The following BRINP3 variants were observed in gnomAD, a reference collection of about 807,000 sequenced individuals.
BRINP3 encodes the protein BMP/retinoic acid-inducible neural-specific protein 3.
Under a neutral mutation model 71.0 loss-of-function variants are expected in BRINP3, and 19 were observed. The ratio of observed to expected loss-of-function variants is 0.27; its 90% CI spans 0.19 to 0.39. The LOEUF (loss-of-function observed/expected upper bound fraction) is 0.39, where lower values mean the gene tolerates loss of function less well. BRINP3 is among the 10% of genes least tolerant of loss of function. The pLI, the probability that BRINP3 is intolerant of heterozygous loss-of-function variation, is 1.00. For synonymous variants in BRINP3, 380 were observed against 337.7 expected (o/e 1.13, Z -1.37); for missense variants, 959 against 940.8 (o/e 1.02, Z -0.25).
At chr1:190,295,786 C>G (rs1162539376) in intron 2 of BRINP3, among the ~76,000 whole-genome samples, 2 of 150,346 alleles carry the variant, frequency 1.3e-5, no homozygotes, top group African/African-American at 2.4e-5. Context: ...CCCCAAGCAG[C>G]CAGTTTCTCT....
Position 190,396,300 on chromosome 1 carries a change from C to T in BRINP3, c.236+58355G>A, listed in dbSNP as rs553985283. ...CTTTTAGTTCCGTTTAAATTAAACT[C>T]TAATGTTGTAATAAGAAAGTTATAC... On this transcript the variant is annotated intron_variant, in intron 2 of 7. Transcript: ENST00000367462. Among the ~76,000 whole-genome samples the T allele has an allele frequency of 2.0e-5, 3 of 151,784 alleles. No homozygotes were observed. In the South Asian group the frequency reaches 6.2e-4, roughly 31 times the overall value.
intron 2 of BRINP3, among the ~76,000 whole-genome samples, chr1:190,375,064 A>G (rs1670099101): frequency 6.6e-6 from 1 of 152,054 alleles, no homozygotes; most frequent in South Asian, 2.1e-4. Flanking sequence ...TTGCTATATC[A>G]TAAAGGTAGC....
chr1:190,439,583 T>C (rs1674684116), intron 2 of BRINP3, among the ~76,000 whole-genome samples: 1 of 151,668 alleles, frequency 6.6e-6, no homozygotes, highest in Non-Finnish European at 1.5e-5. Flanking sequence ...GGTAGAAAGA[T>C]GTTGAGCTGT....
chr1:190,473,041 C>T (rs915893811), intron 1 of BRINP3, among the ~76,000 whole-genome samples: 1 of 151,562 alleles, frequency 6.6e-6, no homozygotes, highest in East Asian at 1.9e-4. Context: ...TGAAATTGAT[C>T]GTTATATGGT....
chr1:190,143,153 G>C (rs1655600050), intron 7 of BRINP3, among the ~76,000 whole-genome samples: 1 of 152,138 alleles, frequency 6.6e-6, no homozygotes, highest in South Asian at 2.1e-4. Flanking sequence ...AAAATAAAAT[G>C]CAAGTAGCCT....
At chr1:190,190,926 T>C (rs1653977861) in intron 6 of BRINP3, among the ~76,000 whole-genome samples, 1 of 152,156 alleles carries the variant, frequency 6.6e-6, no homozygotes, top group Admixed American at 6.6e-5. Flanking sequence ...TCAACTTCAG[T>C]GAAAAATGAT....
chr1:190,432,154 A>C (rs987875512), intron 2 of BRINP3, among the ~76,000 whole-genome samples: 1 of 152,202 alleles, frequency 6.6e-6, no homozygotes, highest in African/African-American at 2.4e-5. Context: ...TAATCTTTCT[A>C]TCCATACTTT....
chr1:190,220,554 G>C (rs1054946237), intron 6 of BRINP3, among the ~76,000 whole-genome samples: 3 of 151,936 alleles, frequency 2.0e-5, no homozygotes, highest in African/African-American at 7.3e-5. Context: ...TTTTAAAAAA[G>C]AAGCAAATAA....
rs913453228 is a variant in BRINP3 at position 190,201,692 on chromosome 1, C to T, written c.961+24390G>A. Among the ~76,000 whole-genome samples the T allele has an allele frequency of 3.3e-5, 5 of 151,986 alleles. No homozygotes were observed. In the South Asian group the frequency reaches 8.3e-4, roughly 25 times the overall value. On this transcript the variant is annotated intron_variant, in intron 6 of 7. Transcript: ENST00000367462. ...TTGGTGTCCTGCATCCCAGCTGCTC[C>T]AGCCATGGTTGAAATAGACCAACAT...
At chr1:190,442,985 T>C (rs549337374) in intron 2 of BRINP3, among the ~76,000 whole-genome samples, 1 of 148,280 alleles carries the variant, frequency 6.7e-6, no homozygotes, top group Non-Finnish European at 1.5e-5. Context: ...CAATCTCGGC[T>C]CGCTGCAAAC....
chr1:190,344,515 A>G (rs1341211556), intron 2 of BRINP3, among the ~76,000 whole-genome samples: 1 of 151,834 alleles, frequency 6.6e-6, no homozygotes, highest in Admixed American at 6.6e-5. Context: ...TCAGTTCACA[A>G]TTTTCTACTC....
intron 7 of BRINP3, among the ~76,000 whole-genome samples, chr1:190,135,821 C>A (rs965446464): frequency 6.6e-6 from 1 of 151,970 alleles, no homozygotes; most frequent in African/African-American, 2.4e-5. Context: ...CGTAAAAAGG[C>A]AGAATGCAGC....
intron 3 of BRINP3, among the ~76,000 whole-genome samples, chr1:190,280,318 T>C (rs896539316): frequency 6.6e-5 from 10 of 151,856 alleles, no homozygotes; most frequent in Non-Finnish European, 1.2e-4. Flanking sequence ...TCACAGATCA[T>C]TGATGTAAGG....
intron 4 of BRINP3, among the ~76,000 whole-genome samples, chr1:190,262,183 G>C (rs1047808347): frequency 6.6e-6 from 1 of 152,064 alleles, no homozygotes; most frequent in African/African-American, 2.4e-5. Context: ...CTCCACTCTT[G>C]CTTGAACACA....
At chr1:190,434,112 TTATTTTTA>T (rs1674291065) in intron 2 of BRINP3, among the ~76,000 whole-genome samples, 1 of 151,950 alleles carries the variant, frequency 6.6e-6, no homozygotes, top group African/African-American at 2.4e-5. Context: ...ATTTATTTAT[TTATTTTTA>T]TTTATTTATT....
At chr1:190,328,097 T>A (rs552773920) in intron 2 of BRINP3, among the ~76,000 whole-genome samples, 1 of 152,016 alleles carries the variant, frequency 6.6e-6, no homozygotes, top group East Asian at 1.9e-4. Context: ...AATGCCTACA[T>A]CAAAAAGTTA....
Position 190,234,461 on chromosome 1 carries a change from G to A in BRINP3, c.635C>T (p.Thr212Ile). Residue 212 changes from threonine (T) to isoleucine (I), a missense_variant, in exon 5 of 8, where the codon ACT (threonine) becomes ATT (isoleucine). By Grantham distance (89) the Thr-to-Ile change is moderately conservative. Transcript: ENST00000367462. Reference protein sequence around the residue: ...STAIKVTETRTGPLGCSNYDN... With the variant: ...STAIKVTETRIGPLGCSNYDN... ...ATAGTTACTGCAGCCAAGAGGACCA[G>A]TCCGTGTTTCTGTTACCTGGCAAAC... 1 of 1,612,446 alleles carries A rather than the reference G, an allele frequency of 6.2e-7. No homozygotes were observed. The highest frequency in any genetic ancestry group is 8.5e-7 in the Non-Finnish European group (1 of 1,178,966).
chr1:190,155,319 C>T (rs1352089457), intron 7 of BRINP3, among the ~76,000 whole-genome samples: 1 of 151,966 alleles, frequency 6.6e-6, no homozygotes, highest in Non-Finnish European at 1.5e-5. Flanking sequence ...TTGCTGCAGC[C>T]TGTGTGTCCT....
chr1:190,140,763 C>T (rs1558002049), intron 7 of BRINP3, among the ~76,000 whole-genome samples: 1 of 152,082 alleles, frequency 6.6e-6, no homozygotes, highest in Non-Finnish European at 1.5e-5. Flanking sequence ...ATTAGCATTC[C>T]ATGGATTCAT....
Sources: gnomAD v4.1 joint callset for allele counts (sites outside exome capture counted in the v4.1 genomes callset) on GRCh38, gnomAD v4.1.1 for gene constraint, MANE v1.5 for transcripts, NCBI Gene and HGNC (gene_info 2026-07-23, HGNC 2026-07-21) for gene names.